The following PCNX4 variants were observed in gnomAD, a reference collection of about 807,000 sequenced individuals.
PCNX4 encodes pecanex-like protein 4.
PCNX4 carries 103 observed loss-of-function variants against 107.2 expected under a neutral mutation model. The ratio of observed to expected loss-of-function variants is 0.96; its 90% CI spans 0.82 to 1.13. The LOEUF (loss-of-function observed/expected upper bound fraction) is 1.13. Among genes scored for constraint, PCNX4 ranks in the 50% most tolerant of loss-of-function variants. The pLI is 0.00. For synonymous variants in PCNX4, 541 were observed against 481.7 expected (o/e 1.12, Z -1.61); for missense variants, 1,528 against 1,379.4 (o/e 1.11, Z -1.71).
At chr14:60,119,586 C>T (rs1029789777) in intron 7 of PCNX4, among the ~76,000 whole-genome samples, 3 of 151,128 alleles carry the variant, frequency 2.0e-5, no homozygotes, top group Non-Finnish European at 4.4e-5. Flanking sequence ...TGTGAATAGT[C>T]ATTTGTCTTA....
At position 60,134,323 on chromosome 14, in the gene PCNX4, A is replaced by G. The variant is rs1039405437; in HGVS notation, c.*102A>G. ...AACTTGAGGACTTCTCCACACCCCC[A>G]TTCAGATGCCTGAGAACAGCTAAGC... On this transcript the variant is annotated 3_prime_UTR_variant, in exon 11 of 11. Coordinates refer to ENST00000406854, the MANE Select transcript of PCNX4 (RefSeq NM_001330177.2). The G allele has an allele frequency of 7.2e-7, 1 of 1,389,022 alleles. No homozygotes were observed. The highest frequency in any genetic ancestry group is 9.9e-7 in the Non-Finnish European group (1 of 1,012,678). 86.0% of individuals were successfully genotyped at this position (1,389,022 alleles called of 1,614,324 possible). A position where few individuals can be genotyped will look rare whatever the true frequency, so the allele number is the denominator to read the frequency against.
rs1896441011 is a variant in PCNX4, at chr14:60,147,594, C to A, written c.*13373C>A. The A allele has an allele frequency of 2.0e-5, 3 of 152,160 alleles. No individual in the cohort carries two copies. The highest frequency in any genetic ancestry group is 4.8e-5 in the African/African-American group (2 of 41,434). 9.4% of individuals were successfully genotyped at this position (152,160 alleles called of 1,614,324 possible). Reference sequence around the variant, plus strand: ...TCAAGCTGAGAAGGGGGAAAAAGCACAATAGCTAACACTTAGAACACTCCA... The same window carrying A: ...TCAAGCTGAGAAGGGGGAAAAAGCAAAATAGCTAACACTTAGAACACTCCA... On this transcript the variant is annotated 3_prime_UTR_variant, in exon 11 of 11. Coordinates refer to ENST00000406854, the MANE Select transcript of PCNX4 (RefSeq NM_001330177.2).
At chr14:60,111,400 T>C (rs1025384963) in intron 2 of PCNX4, among the ~76,000 whole-genome samples, 4 of 152,234 alleles carry the variant, frequency 2.6e-5, no homozygotes, top group South Asian at 4.1e-4. Context: ...CATTTATAAT[T>C]GGTTTTTTAA....
chr14:60,093,332 C>G (rs1475406789), intron 1 of PCNX4, among the ~76,000 whole-genome samples: 1 of 152,200 alleles, frequency 6.6e-6, no homozygotes, highest in Non-Finnish European at 1.5e-5. Context: ...ACCTTTTACC[C>G]TCAGCAGTCA....
intron 1 of PCNX4, among the ~76,000 whole-genome samples, chr14:60,093,538 CT>C (rs1895353973): frequency 6.6e-6 from 1 of 152,154 alleles, no homozygotes; most frequent in Non-Finnish European, 1.5e-5. Flanking sequence ...TACTTCATTC[CT>C]TTTTATAGTC....
chr14:60,117,055 G>A (rs184405190), intron 6 of PCNX4, among the ~76,000 whole-genome samples: 1 of 151,976 alleles, frequency 6.6e-6, no homozygotes, highest in Non-Finnish European at 1.5e-5. Context: ...AAAAAAGAAA[G>A]TATAAAATAA....
rs74700415 is a variant in PCNX4, at chr14:60,114,965, T to C, written c.870-9T>C. The C allele has an allele frequency of 1.8e-3, 2,598 of 1,432,056 alleles. 55 individuals are homozygous for C. In the African/African-American group the frequency reaches 0.035, roughly 19 times the overall value. The allele number at this position is 1,432,056 out of a possible 1,614,324, so 88.7% of individuals were successfully genotyped here. On this transcript the variant is annotated splice_polypyrimidine_tract_variant and intron_variant, in intron 3 of 10. Transcript: ENST00000406854. ...AGTAAATATTTTTTTCTTTTTTTTT[T>C]CTGTACAGGTTATTAGTAATGTTCA...
chr14:60,145,226 T>A lies in PCNX4; in HGVS notation c.*11005T>A. On this transcript the variant is annotated 3_prime_UTR_variant, in exon 11 of 11. Transcript: ENST00000406854. This position sits in a 1 kb window ranked among gnomAD's most constrained non-coding sequence, Gnocchi z 4.0. Reference sequence around the variant, plus strand: ...TACTTCTAATGAGTTTAGCATCATCTCTGGTTTAGAGGAGGTATAAATAGC... The same window carrying A: ...TACTTCTAATGAGTTTAGCATCATCACTGGTTTAGAGGAGGTATAAATAGC... 2.5e-6 allele frequency: 1 copy of A among 403,792 alleles called. No individual in the cohort carries two copies. The highest frequency in any genetic ancestry group is 4.3e-6 in the Non-Finnish European group (1 of 231,534). The allele number at this position is 403,792 out of a possible 1,614,324, so 25.0% of individuals were successfully genotyped here. A position where few individuals can be genotyped will look rare whatever the true frequency, so the allele number is the denominator to read the frequency against.
At position 60,116,535 on chromosome 14, in the gene PCNX4, T is replaced by C. The variant is rs144373309; in HGVS notation, c.1578+475T>C. 1.3e-3 allele frequency among the ~76,000 whole-genome samples: 192 copies of C among 152,332 alleles called. 1 individual carries two copies. The East Asian group carries it at 0.025, about 20-fold the overall frequency. On this transcript the variant is annotated intron_variant, in intron 6 of 10. Coordinates refer to ENST00000406854, the MANE Select transcript of PCNX4 (RefSeq NM_001330177.2). ...TAGCCCTTGTAGGGTAGCTCATTAC[T>C]CACGTGTTTGTGGTGATGTTGGTGT... is the stretch of plus-strand genomic sequence containing the variant.
rs1389150980 is a variant in PCNX4 at position 60,134,674 on chromosome 14, A to C, written c.*453A>C. ...TGTGTATATATTTGTTTGAAATATA[A>C]TTTATAGTATTTTCAAATGTGCTGA... On this transcript the variant is annotated 3_prime_UTR_variant, in exon 11 of 11. Transcript: ENST00000406854. 1 of 152,602 alleles carries C rather than the reference A, an allele frequency of 6.6e-6. No homozygotes were observed. Among genetic ancestry groups the C allele is most frequent in the Non-Finnish European group, 1.5e-5 (1 of 68,340 alleles). The allele number at this position is 152,602 out of a possible 1,614,324, so 9.5% of individuals were successfully genotyped here. A position where few individuals can be genotyped will look rare whatever the true frequency, so the allele number is the denominator to read the frequency against.
intron 10 of PCNX4, among the ~76,000 whole-genome samples, chr14:60,126,787 G>T (rs1161405297): frequency 6.6e-6 from 1 of 152,170 alleles, no homozygotes; most frequent in African/African-American, 2.4e-5. Context: ...CGCACTTACG[G>T]GATGGAGACT....
At chr14:60,102,224 C>T (rs1419641923) in intron 1 of PCNX4, among the ~76,000 whole-genome samples, 2 of 152,010 alleles carry the variant, frequency 1.3e-5, no homozygotes, top group East Asian at 3.9e-4. Flanking sequence ...TGTTAGTGTT[C>T]CTACCACAAT....
rs1566525774 is a variant in PCNX4, at chr14:60,140,620, C to CACA, written c.*6399_*6400insACA. 1 of 146,652 alleles carries CACA rather than the reference C, an allele frequency of 6.8e-6. No homozygotes were observed. Among genetic ancestry groups the CACA allele is most frequent in the East Asian group, 2.1e-4 (1 of 4,796 alleles). The allele number at this position is 146,652 out of a possible 1,614,324, so 9.1% of individuals were successfully genotyped here. A position where few individuals can be genotyped will look rare whatever the true frequency, so the allele number is the denominator to read the frequency against. Reference sequence around the variant, plus strand: ...CACACATACACACACACACACACACCCCTACACACACAGAATAATCACAAT... The same window carrying CACA: ...CACACATACACACACACACACACACCACACCTACACACACAGAATAATCACAAT... On this transcript the variant is annotated 3_prime_UTR_variant, in exon 11 of 11. Coordinates refer to ENST00000406854, the MANE Select transcript of PCNX4 (RefSeq NM_001330177.2). The surrounding 1 kb of genome is among the most constrained non-coding windows in gnomAD (Gnocchi z 4.2).
chr14:60,094,914 T>G (rs1004382945), intron 1 of PCNX4, among the ~76,000 whole-genome samples: 1 of 152,198 alleles, frequency 6.6e-6, no homozygotes, highest in African/African-American at 2.4e-5. Context: ...CAGGTTTTTT[T>G]GTAAAATAAA....
Position 60,124,139 on chromosome 14 carries a change from A to G in PCNX4, c.2047-79A>G, listed in dbSNP as rs901980876. 22 of 1,141,574 alleles carry G rather than the reference A, an allele frequency of 1.9e-5. No individual in the cohort carries two copies. In the Middle Eastern group the frequency reaches 7.0e-4, roughly 36 times the overall value. The allele number at this position is 1,141,574 out of a possible 1,614,324, so 70.7% of individuals were successfully genotyped here. Reference sequence around the variant, plus strand: ...TTCCATATTTTTGTGATGAGAATCTATGGGCATTTACATGACTAGTTGCTG... The same window carrying G: ...TTCCATATTTTTGTGATGAGAATCTGTGGGCATTTACATGACTAGTTGCTG... On this transcript the variant is annotated intron_variant, in intron 8 of 10. Transcript: ENST00000406854.
chr14:60,094,000 T>C (rs899641387), intron 1 of PCNX4, among the ~76,000 whole-genome samples: 1 of 152,254 alleles, frequency 6.6e-6, no homozygotes, highest in African/African-American at 2.4e-5. Flanking sequence ...ATATCATCTT[T>C]GGAGAAATGT....
Position 60,115,279 on chromosome 14 carries a change from G to A in PCNX4, c.1175G>A (p.Gly392Asp), listed in dbSNP as rs1895824236. 6.2e-7 allele frequency: 1 copy of A among 1,610,610 alleles called. No homozygotes were observed. The highest frequency in any genetic ancestry group is 1.7e-5 in the Admixed American group (1 of 59,844). ...ISKSNSQAIV[G>D]YGLMILLIIL... ...AAAAGCAATTCCCAGGCTATTGTGG[G>A]CTATGGTTTGATGATATTACTTATA... Residue 392 changes from glycine (G) to aspartate (D), a missense_variant, in exon 4 of 11, where the codon GGC becomes GAC. Gly to Asp is a moderately conservative substitution (Grantham distance 94, BLOSUM62 -1). Transcript: ENST00000406854.
At position 60,146,441 on chromosome 14, in the gene PCNX4, A is replaced by T. The variant is rs1896408458; in HGVS notation, c.*12220A>T. 1 of 152,190 alleles carries T rather than the reference A, an allele frequency of 6.6e-6. No individual in the cohort carries two copies. Among genetic ancestry groups the T allele is most frequent in the Admixed American group, 6.5e-5 (1 of 15,280 alleles). 9.4% of individuals were successfully genotyped at this position (152,190 alleles called of 1,614,324 possible). A position where few individuals can be genotyped will look rare whatever the true frequency, so the allele number is the denominator to read the frequency against. On this transcript the variant is annotated 3_prime_UTR_variant, in exon 11 of 11. Coordinates refer to ENST00000406854, the MANE Select transcript of PCNX4 (RefSeq NM_001330177.2). The surrounding 1 kb of genome is among the most constrained non-coding windows in gnomAD (Gnocchi z 4.9). Reference sequence around the variant, plus strand: ...CTCTGCCCTATTATTTAAATTGAGAATGTGAACCAGTACAGACATTATGGA... The same window carrying T: ...CTCTGCCCTATTATTTAAATTGAGATTGTGAACCAGTACAGACATTATGGA...
intron 6 of PCNX4, among the ~76,000 whole-genome samples, chr14:60,118,001 T>G (rs1895882326): frequency 6.6e-6 from 1 of 152,198 alleles, no homozygotes; most frequent in Non-Finnish European, 1.5e-5. Flanking sequence ...TGAGCCAGTT[T>G]TAGTAATTTG....
Sources: gnomAD v4.1 joint callset for allele counts (sites outside exome capture counted in the v4.1 genomes callset) on GRCh38, gnomAD v4.1.1 for gene constraint, Gnocchi (gnomAD v3.1) non-coding constraint, MANE v1.5 for transcripts, NCBI Gene and HGNC (gene_info 2026-07-23, HGNC 2026-07-21) for gene names.